KIAA1958: variants seen among roughly 807,000 people sequenced by gnomAD.
The protein encoded by KIAA1958 is KIAA1958, also known as uncharacterized protein KIAA1958.
A neutral mutation model predicts 47.2 loss-of-function variants in KIAA1958; 14 were observed. That is an observed-to-expected ratio of 0.30 (90% CI 0.20 to 0.46). The LOEUF (loss-of-function observed/expected upper bound fraction) is 0.46. Ranked by LOEUF, KIAA1958 falls within the 20% of genes least tolerant of loss-of-function variation. KIAA1958 has a pLI of 1.00. For synonymous variants in KIAA1958, 354 were observed against 353.3 expected (o/e 1.00, Z -0.02); for missense variants, 803 against 909.2 (o/e 0.88, Z 1.50).
At chr9:112,515,763 C>T (rs988051133) in intron 1 of KIAA1958, among the ~76,000 whole-genome samples, 1 of 101,114 alleles carries the variant, frequency 9.9e-6, no homozygotes, top group Non-Finnish European at 2.0e-5. Context: ...GCCGCAGGGT[C>T]CTCTGCCTAG....
At chr9:112,544,373 T>G (rs1834994631) in intron 1 of KIAA1958, among the ~76,000 whole-genome samples, 1 of 152,204 alleles carries the variant, frequency 6.6e-6, no homozygotes, top group Non-Finnish European at 1.5e-5. Flanking sequence ...TTGTAATTGC[T>G]TAGTTGTTGG....
At position 112,523,719 on chromosome 9, in the gene KIAA1958, A is replaced by G. The variant is rs144311904; in HGVS notation, c.-25+36601A>G. Among the ~76,000 whole-genome samples the G allele has an allele frequency of 6.6e-5, 10 of 152,352 alleles. No homozygotes were observed. In the East Asian group the frequency reaches 1.5e-3, roughly 24 times the overall value. On this transcript the variant is annotated intron_variant, in intron 1 of 3. Coordinates refer to ENST00000337530, the MANE Select transcript of KIAA1958 (RefSeq NM_133465.4). ...CACATGTATCAAATATGCCCCAAGT[A>G]GAGAATATACATAATATGCAAACCC...
chr9:112,649,568 G>A (rs1420175380), intron 3 of KIAA1958, among the ~76,000 whole-genome samples: 2 of 152,046 alleles, frequency 1.3e-5, no homozygotes, highest in Admixed American at 6.6e-5. Flanking sequence ...GGAGGAGGAA[G>A]TAACCAAATT....
intron 1 of KIAA1958, among the ~76,000 whole-genome samples, chr9:112,564,510 A>G (rs1835394386): frequency 6.6e-6 from 1 of 152,188 alleles, no homozygotes; most frequent in African/African-American, 2.4e-5. Flanking sequence ...TTATTTCGTT[A>G]TTAATTAATT....
chr9:112,538,342 A>T (rs879410241), intron 1 of KIAA1958, among the ~76,000 whole-genome samples: 1 of 152,038 alleles, frequency 6.6e-6, no homozygotes, highest in Admixed American at 6.6e-5. Flanking sequence ...ACAAAGCAAG[A>T]CCCTGTCTCA....
chr9:112,579,214 T>C (rs2131179085), intron 2 of KIAA1958, among the ~76,000 whole-genome samples: 1 of 152,238 alleles, frequency 6.6e-6, no homozygotes, highest in South Asian at 2.1e-4. Context: ...TGATGACCTT[T>C]TTTAAGGTGT....
At chr9:112,652,391 G>C (rs1395498185) in intron 3 of KIAA1958, among the ~76,000 whole-genome samples, 1 of 152,170 alleles carries the variant, frequency 6.6e-6, no homozygotes, top group Non-Finnish European at 1.5e-5. Context: ...AACTAAAACT[G>C]AGTCAGAGAA....
chr9:112,608,373 A>G (rs867958384), intron 2 of KIAA1958, among the ~76,000 whole-genome samples: 2 of 152,376 alleles, frequency 1.3e-5, no homozygotes, highest in South Asian at 2.1e-4. Flanking sequence ...AAAAGCTAAC[A>G]ATTACATAGA....
In KIAA1958 at chr9:112,645,792, C is replaced by T. The variant is rs374304161; in HGVS notation, c.1314C>T (p.Asn438=). The part of the protein sequence containing the change: ...LNVWRYWCMT[N]GLKDHTDITK... The stretch of plus-strand genomic sequence containing the variant: ...TGTGGCGTTATTGGTGCATGACCAA[C>T]GGGCTCAAAGACCACACAGACATCA... The change falls in exon 3 of 4, where the codon AAC becomes AAT. Residue 438 remains asparagine, a synonymous_variant. Coordinates refer to ENST00000337530, the MANE Select transcript of KIAA1958 (RefSeq NM_133465.4). 20 of 1,613,488 alleles carry T rather than the reference C, an allele frequency of 1.2e-5. No individual in the cohort carries two copies. The African/African-American group carries it at 1.5e-4, about 12-fold the overall frequency.
chr9:112,573,951 GTT>G, intron 1 of KIAA1958, 104 bp from the exon 2 acceptor site: 1 of 536,988 alleles, frequency 1.9e-6, no homozygotes, highest in Non-Finnish European at 3.1e-6. Flanking sequence ...TTTGAAGTGC[GTT>G]TTTTTTTTAT....
At chr9:112,640,517 A>C (rs1223860965) in intron 2 of KIAA1958, among the ~76,000 whole-genome samples, 1 of 152,054 alleles carries the variant, frequency 6.6e-6, no homozygotes, top group Non-Finnish European at 1.5e-5. Flanking sequence ...TCGGTCTCTC[A>C]AGCGCTGGCT....
intron 3 of KIAA1958, among the ~76,000 whole-genome samples, chr9:112,658,741 C>T (rs933449291): frequency 1.3e-5 from 2 of 149,268 alleles, no homozygotes; most frequent in African/African-American, 2.4e-5. Flanking sequence ...GGGCAGATCA[C>T]GAGGTCAGGA....
intron 1 of KIAA1958, among the ~76,000 whole-genome samples, chr9:112,488,569 G>A (rs1833909857): frequency 6.6e-6 from 1 of 152,050 alleles, no homozygotes; most frequent in South Asian, 2.1e-4. Context: ...AAGTCTGACA[G>A]TTACCCAGGA....
rs1209806274 is a variant in KIAA1958 at position 112,660,003 on chromosome 9, G to T, written c.2085G>T (p.Glu695Asp). The stretch of plus-strand genomic sequence containing the variant: ...AGAAGGTCAAGCTGGAAAACTGTGA[G>T]AACTTCACCTTTGTCTCGTTCACTC... Reference protein sequence around the residue: ...LAKKVKLENCENFTFVSFTQV... With the variant: ...LAKKVKLENCDNFTFVSFTQV... The change falls in exon 4 of 4, where the codon GAG (glutamate) becomes GAT (aspartate). Residue 695 changes from glutamate to aspartate, a missense_variant. By Grantham distance (45) the Glu-to-Asp change is conservative. Transcript: ENST00000337530. 4 of 1,614,210 alleles carry T rather than the reference G, an allele frequency of 2.5e-6. No individual in the cohort carries two copies. Among genetic ancestry groups the T allele is most frequent in the Non-Finnish European group, 3.4e-6 (4 of 1,180,048 alleles).
At chr9:112,634,990 C>T (rs778727293) in intron 2 of KIAA1958, among the ~76,000 whole-genome samples, 1 of 151,870 alleles carries the variant, frequency 6.6e-6, no homozygotes, top group African/African-American at 2.4e-5. Context: ...GTAGGAATTC[C>T]GTTTTCTCAT....
chr9:112,584,485 T>A (rs1373972011), intron 2 of KIAA1958, among the ~76,000 whole-genome samples: 2 of 152,208 alleles, frequency 1.3e-5, no homozygotes, highest in Non-Finnish European at 2.9e-5. Context: ...TGTGGAGTAT[T>A]TTTGTTAGAA....
At chr9:112,623,682 C>T (rs147084844) in intron 2 of KIAA1958, among the ~76,000 whole-genome samples, 103 of 152,322 alleles carry the variant, frequency 6.8e-4, no homozygotes, top group African/African-American at 2.2e-3. Flanking sequence ...CTCTAAAAAA[C>T]ACCTAACTTT....
intron 2 of KIAA1958, among the ~76,000 whole-genome samples, chr9:112,593,454 C>T (rs1835960078): frequency 6.6e-6 from 1 of 152,140 alleles, no homozygotes; most frequent in African/African-American, 2.4e-5. Flanking sequence ...TTTAGGGGGG[C>T]TTAGATTACT....
chr9:112,653,219 A>G (rs958910287), intron 3 of KIAA1958, among the ~76,000 whole-genome samples: 1 of 152,238 alleles, frequency 6.6e-6, no homozygotes, highest in Non-Finnish European at 1.5e-5. Flanking sequence ...AGTAGAAAAA[A>G]GCATTCTTGG....
Sources: gnomAD v4.1 joint callset for allele counts (sites outside exome capture counted in the v4.1 genomes callset) on GRCh38, gnomAD v4.1.1 for gene constraint, MANE v1.5 for transcripts, NCBI Gene and HGNC (gene_info 2026-07-23, HGNC 2026-07-21) for gene names.